The following SUMF1 variants were observed in gnomAD, a reference collection of about 807,000 sequenced individuals.
The protein encoded by SUMF1 is formylglycine-generating enzyme.
Under a neutral mutation model 47.6 loss-of-function variants are expected in SUMF1, and 48 were observed. The observed-to-expected ratio is 1.01, with a 90% CI of 0.80 to 1.28. The LOEUF is 1.28. Among genes scored for constraint, SUMF1 ranks in the 50% most tolerant of loss-of-function variants. The probability of loss-of-function intolerance (pLI) is 0.00; values close to 1 mark genes in which losing one functional copy is unlikely to be tolerated. For missense variants in SUMF1, 571 were observed against 485.4 expected, an observed-to-expected ratio of 1.18 and a Z score of -1.66; for synonymous variants, 230 against 192.1, an observed-to-expected ratio of 1.20 and a Z score of -1.63.
chr3:4,362,110 T>C lies in SUMF1; in HGVS notation c.*34A>G, dbSNP rs1699781445. The C allele has an allele frequency of 4.4e-6, 7 of 1,596,290 alleles. No individual in the cohort carries two copies. The highest frequency in any genetic ancestry group is 6.0e-6 in the Non-Finnish European group (7 of 1,164,504). On this transcript the variant is annotated 3_prime_UTR_variant, in exon 9 of 9. Coordinates refer to ENST00000272902, the MANE Select transcript of SUMF1 (RefSeq NM_182760.4). ...AAGCCCAATGTAGGTCAGACACGACTGCTCCTTGGACTGGGGAAGACTTTC... is the reference window on the plus strand; with the variant it reads ...AAGCCCAATGTAGGTCAGACACGACCGCTCCTTGGACTGGGGAAGACTTTC...
downstream of SUMF1, among the ~76,000 whole-genome samples, chr3:4,357,393 A>G (rs1378187535): frequency 2.0e-5 from 3 of 151,886 alleles, no homozygotes; most frequent in Non-Finnish European, 4.4e-5. Flanking sequence ...ACTGAGGACA[A>G]AAATGTGATC....
intron 8 of SUMF1, chr3:4,303,917 A>G (rs1377993519): frequency 8.3e-7 from 1 of 1,206,678 alleles, no homozygotes; most frequent in Non-Finnish European, 1.1e-6. Context: ...GGTGTCGTGC[A>G]TAAAAACAGC....
At chr3:4,252,614 C>CA (rs1483291944) in intron 8 of SUMF1, among the ~76,000 whole-genome samples, 4 of 151,980 alleles carry the variant, frequency 2.6e-5, no homozygotes, top group Non-Finnish European at 5.9e-5. Context: ...AGAGAGAGAA[C>CA]AAAAAACTAG....
chr3:4,171,383 T>C (rs186912356), intron 8 of SUMF1, among the ~76,000 whole-genome samples: 2 of 152,288 alleles, frequency 1.3e-5, no homozygotes, highest in South Asian at 2.1e-4. Flanking sequence ...AATTAACTTT[T>C]TGAGGTGGTG....
chr3:4,077,614 C>T (rs1385678372), intron 8 of SUMF1, among the ~76,000 whole-genome samples: 3 of 151,948 alleles, frequency 2.0e-5, no homozygotes, highest in Non-Finnish European at 4.4e-5. Context: ...AATGAGAGCA[C>T]ATGGACACAG....
chr3:4,282,891 ATT>A (rs1559649116), intron 8 of SUMF1, among the ~76,000 whole-genome samples: 1 of 152,064 alleles, frequency 6.6e-6, no homozygotes, highest in Non-Finnish European at 1.5e-5. Flanking sequence ...GTGAAAAATT[ATT>A]TTTTTATTGG....
chr3:4,368,876 T>A (rs1367661749), intron 8 of SUMF1, among the ~76,000 whole-genome samples: 5 of 152,088 alleles, frequency 3.3e-5, no homozygotes, highest in African/African-American at 1.2e-4. Context: ...AGAATAAAAA[T>A]AAACTAGTCA....
At chr3:4,350,547 C>T (rs910900472) in intron 8 of SUMF1, among the ~76,000 whole-genome samples, 1 of 152,068 alleles carries the variant, frequency 6.6e-6, no homozygotes, top group Non-Finnish European at 1.5e-5. Flanking sequence ...AGCTTCTATA[C>T]AAATTTTATT....
At chr3:4,206,322 C>A (rs1454351955) in intron 8 of SUMF1, among the ~76,000 whole-genome samples, 1 of 151,952 alleles carries the variant, frequency 6.6e-6, no homozygotes, top group Non-Finnish European at 1.5e-5. Flanking sequence ...AGCAAAGCAC[C>A]AGAACTTGCT....
chr3:4,432,464 G>A (rs1702263271), intron 3 of SUMF1, among the ~76,000 whole-genome samples: 1 of 152,004 alleles, frequency 6.6e-6, no homozygotes, highest in South Asian at 2.1e-4. Flanking sequence ...CACCTTTGAG[G>A]CCTACAAAGC....
intron 3 of SUMF1, among the ~76,000 whole-genome samples, chr3:4,425,151 T>C (rs1702028807): frequency 6.6e-6 from 1 of 152,192 alleles, no homozygotes; most frequent in Non-Finnish European, 1.5e-5. Context: ...CAGTTTATAG[T>C]AGCATAGTGG....
chr3:4,266,210 C>A (rs140380427), intron 8 of SUMF1, among the ~76,000 whole-genome samples: 264 of 152,226 alleles, frequency 1.7e-3, no homozygotes, highest in African/African-American at 6.0e-3. Flanking sequence ...CTTGGCCACA[C>A]GGGCTCTTTT....
chr3:4,452,770 G>C, intron 2 of SUMF1, 106 bp downstream of exon 2: 1 of 1,310,356 alleles, frequency 7.6e-7, no homozygotes, highest in South Asian at 1.2e-5. Context: ...ACACAGTTCT[G>C]CCACAGAATG....
chr3:4,174,795 G>A (rs1487153456), intron 8 of SUMF1, among the ~76,000 whole-genome samples: 1 of 152,146 alleles, frequency 6.6e-6, no homozygotes, highest in Non-Finnish European at 1.5e-5. Flanking sequence ...GGGAAGCCGT[G>A]ACAGACTACC....
chr3:4,309,120 C>G (rs1304552509), intron 8 of SUMF1, among the ~76,000 whole-genome samples: 1 of 152,144 alleles, frequency 6.6e-6, no homozygotes, highest in Non-Finnish European at 1.5e-5. Context: ...TTAGGAATGC[C>G]TTGGGTAAGA....
chr3:4,062,942 G>A (rs1030381280), intron 9 of SUMF1, among the ~76,000 whole-genome samples: 5 of 152,090 alleles, frequency 3.3e-5, no homozygotes, highest in Admixed American at 1.3e-4. Context: ...GCCACCAGGT[G>A]ATCTTTGCTT....
chr3:4,250,540 A>C (rs370415798), intron 8 of SUMF1, among the ~76,000 whole-genome samples: 87 of 152,296 alleles, frequency 5.7e-4, no homozygotes, highest in African/African-American at 1.9e-3. Context: ...TAGATGAAAC[A>C]GCCTTATACT....
At chr3:4,135,999 T>C (rs1390710972) in intron 8 of SUMF1, among the ~76,000 whole-genome samples, 1 of 152,110 alleles carries the variant, frequency 6.6e-6, no homozygotes, top group African/African-American at 2.4e-5. Context: ...TGGAAGAACA[T>C]TCCATGCTCA....
chr3:4,380,810 G>A (rs1700479977), intron 7 of SUMF1, among the ~76,000 whole-genome samples: 1 of 152,048 alleles, frequency 6.6e-6, no homozygotes, highest in Admixed American at 6.6e-5. Flanking sequence ...AAAAGGCCAA[G>A]GTACAGCTAA....
Sources: allele counts gnomAD v4.1 joint callset (sites outside exome capture counted in the v4.1 genomes callset), GRCh38; gene constraint gnomAD v4.1.1; transcripts MANE v1.5; gene names NCBI Gene and HGNC (gene_info 2026-07-23, HGNC 2026-07-21).